Variants in SFMBT2 observed in about 807,000 individuals in gnomAD.
SFMBT2 encodes scm-like with four MBT domains protein 2.
SFMBT2 carries 38 observed loss-of-function variants against 110.1 expected under a neutral mutation model. The observed-to-expected ratio is 0.35, with a 90% confidence interval of 0.27 to 0.45. SFMBT2 has a LOEUF of 0.45. SFMBT2 is among the 20% of genes least tolerant of loss of function. SFMBT2 has a pLI of 1.00. For missense variants in SFMBT2, 1,011 were observed against 1,094.9 expected (o/e 0.92, Z 1.08); for synonymous variants, 425 against 425.4 (o/e 1.00, Z 0.01).
chr10:7,349,984 A>G (rs1446250622), intron 4 of SFMBT2, among the ~76,000 whole-genome samples: 3 of 152,134 alleles, frequency 2.0e-5, no homozygotes, highest in Non-Finnish European at 4.4e-5. Context: ...TCATAGGCGC[A>G]TGCTGACATT....
At chr10:7,190,426 G>A (rs1421194947) in intron 15 of SFMBT2, among the ~76,000 whole-genome samples, 1 of 152,174 alleles carries the variant, frequency 6.6e-6, no homozygotes, top group Non-Finnish European at 1.5e-5. Flanking sequence ...TTGTGACTGC[G>A]AAAAGAAAAT....
intron 9 of SFMBT2, 44 bp downstream of exon 9, chr10:7,243,514 C>A: frequency 1.2e-6 from 1 of 865,080 alleles, no homozygotes; most frequent in South Asian, 1.3e-5. Context: ...AGTAAGACAC[C>A]CTCCTGAATC....
chr10:7,374,058 T>A (rs934122626), intron 2 of SFMBT2, among the ~76,000 whole-genome samples: 6 of 151,516 alleles, frequency 4.0e-5, no homozygotes, highest in Non-Finnish European at 7.4e-5. Context: ...AGGTCAAGAG[T>A]TCAAGACCAG....
intron 4 of SFMBT2, among the ~76,000 whole-genome samples, chr10:7,350,191 A>ATT (rs35769123): frequency 1.4e-5 from 2 of 144,680 alleles, no homozygotes; most frequent in African/African-American, 5.1e-5. Flanking sequence ...TAGTTCCTAG[A>ATT]TTTTTTTTTT....
At chr10:7,333,261 G>A (rs1843616390) in intron 4 of SFMBT2, among the ~76,000 whole-genome samples, 1 of 152,102 alleles carries the variant, frequency 6.6e-6, no homozygotes, top group South Asian at 2.1e-4. Context: ...ATAAAATATG[G>A]GTAGAAAAAT....
intron 4 of SFMBT2, among the ~76,000 whole-genome samples, chr10:7,312,722 G>A (rs17334831): frequency 0.073 from 11,083 of 152,272 alleles, 533 homozygotes; most frequent in Non-Finnish European, 0.11. Context: ...CCTAAGGGGC[G>A]TTAGCGAATC....
In SFMBT2 at chr10:7,160,162, T is replaced by C. The variant is rs1837512206; in HGVS notation, c.*3608A>G. ...GATCAAATGACTCTAATTTTGAAAG[T>C]GATGGATGAGTTCCCCACGCTGTGC... On this transcript the variant is annotated 3_prime_UTR_variant, in exon 21 of 21. Transcript: ENST00000397167. 1 of 152,204 alleles carries C rather than the reference T, an allele frequency of 6.6e-6. No individual in the cohort carries two copies. Among genetic ancestry groups the C allele is most frequent in the Admixed American group, 6.5e-5 (1 of 15,284 alleles). 9.4% of individuals were successfully genotyped at this position (152,204 alleles called of 1,614,324 possible). A position where few individuals can be genotyped will look rare whatever the true frequency, so the allele number is the denominator to read the frequency against.
At position 7,257,513 on chromosome 10, in the gene SFMBT2, G is replaced by C. The variant is rs916629222; in HGVS notation, c.871-8864C>G. Among the ~76,000 whole-genome samples the C allele has an allele frequency of 3.3e-5, 5 of 152,180 alleles. No homozygotes were observed. The East Asian group carries it at 9.6e-4, about 29-fold the overall frequency. The stretch of plus-strand genomic sequence containing the variant: ...CTGGCAGGTGCCAAAGCTTCAGGGT[G>C]AACAGCAAAGTTCTTTATAAAATAC... On this transcript the variant is annotated intron_variant, in intron 7 of 20. Coordinates refer to ENST00000397167, the MANE Select transcript of SFMBT2 (RefSeq NM_001387889.1).
intron 1 of SFMBT2, among the ~76,000 whole-genome samples, chr10:7,390,443 T>C (rs1426892257): frequency 6.6e-6 from 1 of 152,210 alleles, no homozygotes; most frequent in East Asian, 1.9e-4. Context: ...TAACACAGCA[T>C]AGGTTTTTAT....
At position 7,278,746 on chromosome 10, in the gene SFMBT2, C is replaced by T. The variant is rs112851649; in HGVS notation, c.773-1757G>A. Among the ~76,000 whole-genome samples, 597 of 152,158 alleles carry T rather than the reference C, an allele frequency of 3.9e-3. 12 individuals carry two copies. Among genetic ancestry groups the T allele is most frequent in the African/African-American group, 0.014 (572 of 41,526 alleles). On this transcript the variant is annotated intron_variant, in intron 6 of 20. Transcript: ENST00000397167. ...TGCTTGGGAATCAGGACTAGTTATACCCTTGACCCTTGATGGTGGTCTCTG... is the reference window on the plus strand; with the variant it reads ...TGCTTGGGAATCAGGACTAGTTATATCCTTGACCCTTGATGGTGGTCTCTG...
intron 6 of SFMBT2, among the ~76,000 whole-genome samples, chr10:7,280,200 C>T (rs528216529): frequency 6.6e-6 from 1 of 152,328 alleles, no homozygotes; most frequent in Non-Finnish European, 1.5e-5. Flanking sequence ...ACACTTCCAG[C>T]CTCCAGATCT....
Position 7,367,931 on chromosome 10 carries a change from A to G in SFMBT2, c.196-42T>C. ...TAGAGAAAACCCATTACTACACTAG[A>G]CACAATACATCCAGAAGATGACAAA... On this transcript the variant is annotated intron_variant, in intron 3 of 20. Coordinates refer to ENST00000397167, the MANE Select transcript of SFMBT2 (RefSeq NM_001387889.1). The surrounding 1 kb of genome is among the most constrained non-coding windows in gnomAD (Gnocchi z 6.2). The G allele has an allele frequency of 6.3e-7, 1 of 1,597,520 alleles. No individual in the cohort carries two copies. The highest frequency in any genetic ancestry group is 1.7e-5 in the Admixed American group (1 of 58,050).
intron 7 of SFMBT2, among the ~76,000 whole-genome samples, chr10:7,259,442 T>G (rs1402524576): frequency 6.6e-6 from 1 of 152,204 alleles, no homozygotes; most frequent in African/African-American, 2.4e-5. Flanking sequence ...CTCAACACTA[T>G]TGGCCTTTGG....
At chr10:7,319,848 G>GACAGAGAGAGAC (rs1472553161) in intron 4 of SFMBT2, among the ~76,000 whole-genome samples, 1 of 150,998 alleles carries the variant, frequency 6.6e-6, no homozygotes, top group African/African-American at 2.4e-5. Context: ...AAGACAGAGA[G>GACAGAGAGAGAC]ACAGAGAGAG....
intron 1 of SFMBT2, among the ~76,000 whole-genome samples, 44 bp downstream of exon 1, chr10:7,410,817 G>T (rs1250815755): frequency 6.6e-6 from 1 of 150,418 alleles, no homozygotes; most frequent in African/African-American, 2.5e-5. Context: ...GCTGCTCTCC[G>T]GCCAGCCTGG....
chr10:7,172,765 T>A lies in SFMBT2; in HGVS notation c.1985-104A>T. 7.4e-7 allele frequency: 1 copy of A among 1,348,932 alleles called. No individual in the cohort carries two copies. Among genetic ancestry groups the A allele is most frequent in the Non-Finnish European group, 1.0e-6 (1 of 992,498 alleles). 83.6% of individuals were successfully genotyped at this position (1,348,932 alleles called of 1,614,324 possible). A position where few individuals can be genotyped will look rare whatever the true frequency, so the allele number is the denominator to read the frequency against. Reference sequence around the variant, plus strand: ...GGAAACGATTCTTTCATCTGATAGTTCATTTGTGCCTTACGAAGTCATTCT... The same window carrying A: ...GGAAACGATTCTTTCATCTGATAGTACATTTGTGCCTTACGAAGTCATTCT... On this transcript the variant is annotated intron_variant, in intron 17 of 20. Coordinates refer to ENST00000397167, the MANE Select transcript of SFMBT2 (RefSeq NM_001387889.1). This position sits in a 1 kb window ranked among gnomAD's most constrained non-coding sequence, Gnocchi z 4.6.
Position 7,189,553 on chromosome 10 carries a change from C to T in SFMBT2, c.1699-820G>A, listed in dbSNP as rs186922554. On this transcript the variant is annotated intron_variant, in intron 15 of 20. Coordinates refer to ENST00000397167, the MANE Select transcript of SFMBT2 (RefSeq NM_001387889.1). The stretch of plus-strand genomic sequence containing the variant: ...CATTAATGATTAACATTGATGAGTT[C>T]TGGCACATTCCTGGGCTGCTGCTGT... Among the ~76,000 whole-genome samples, 16 of 152,314 alleles carry T rather than the reference C, an allele frequency of 1.1e-4. No individual in the cohort carries two copies. The East Asian group carries it at 3.1e-3, about 29-fold the overall frequency.
At chr10:7,291,264 A>G (rs753839026) in intron 4 of SFMBT2, among the ~76,000 whole-genome samples, 9 of 152,224 alleles carry the variant, frequency 5.9e-5, no homozygotes, top group Non-Finnish European at 8.8e-5. Flanking sequence ...GCCCACAGGA[A>G]GGGAGTTTGA....
chr10:7,189,035 T>G (rs1247485553), intron 15 of SFMBT2: 2 of 567,000 alleles, frequency 3.5e-6, no homozygotes, highest in African/African-American at 4.1e-5. Flanking sequence ...TGAACCATTT[T>G]CACCAAAGAG....
Sources: allele counts gnomAD v4.1 joint callset (sites outside exome capture counted in the v4.1 genomes callset), GRCh38; gene constraint gnomAD v4.1.1; non-coding constraint Gnocchi (gnomAD v3.1); transcripts MANE v1.5; gene names NCBI Gene and HGNC (gene_info 2026-07-23, HGNC 2026-07-21).